The following NR4A1 variants were observed in gnomAD, a reference collection of about 807,000 sequenced individuals.
The protein encoded by NR4A1 is nuclear receptor subfamily 4 group A member 1, also known as nuclear receptor subfamily 4immunitygroup A member 1.
NR4A1 carries 24 observed loss-of-function variants against 47.5 expected under a neutral mutation model. The observed-to-expected ratio is 0.50, with a 90% confidence interval of 0.37 to 0.71. The LOEUF is 0.71. Among genes scored for constraint, NR4A1 ranks in the 30% least tolerant of loss-of-function variants. The pLI, the probability that NR4A1 is intolerant of heterozygous loss-of-function variation, is 0.00. For synonymous variants in NR4A1, 353 were observed against 345.7 expected (o/e 1.02, Z -0.24); for missense variants, 669 against 788.6 (o/e 0.85, Z 1.82).
chr12:52,041,869 T>C (rs759017460), exon 2 of NR4A1: 8 of 1,529,668 alleles, frequency 5.2e-6, no homozygotes, highest in African/African-American at 1.4e-5. Flanking sequence ...CTCCTTCTGC[T>C]GGGCCCTGAA....
chr12:52,057,215 G>A lies in NR4A1; in HGVS notation c.1317G>A (p.Leu439=). 6.2e-7 allele frequency: 1 copy of A among 1,613,992 alleles called. No homozygotes were observed. Residue 439 remains leucine (L), a synonymous_variant, in exon 5 of 7, where the codon CTG becomes CTA. Coordinates refer to ENST00000394825, the MANE Select transcript of NR4A1 (RefSeq NM_173157.3). ...CACCGGCTGACCAGGACCTGTTGCT[G>A]GAGTCGGCCTTCCTGGAGCTCTTCA... The part of the protein sequence containing the change: ...ELSPADQDLL[L]ESAFLELFIL...
At chr12:52,039,621 C>A (rs2120962681) in intron 1 of NR4A1, among the ~76,000 whole-genome samples, 1 of 152,348 alleles carries the variant, frequency 6.6e-6, no homozygotes, top group African/African-American at 2.4e-5. Flanking sequence ...TGTGCATCCA[C>A]CACCCTTCCA....
At position 52,058,762 on chromosome 12, in the gene NR4A1, G is replaced by A. The variant is rs760885398; in HGVS notation, c.1615G>A (p.Val539Met). Residue 539 changes from valine (V) to methionine (M), a missense_variant, in exon 7 of 7, where the codon GTG becomes ATG. Physicochemically the swap from Val to Met is conservative, Grantham distance 21. Coordinates refer to ENST00000394825, the MANE Select transcript of NR4A1 (RefSeq NM_173157.3). ...NRIASCLKEH[V>M]AAVAGEPQPA... is the part of the protein sequence containing the mutation. ...CATCGCCAGCTGCCTGAAGGAGCAC[G>A]TGGCAGCTGTGGCGGGCGAGCCCCA... 2.1e-5 allele frequency: 34 copies of A among 1,612,500 alleles called. No individual in the cohort carries two copies. The Admixed American group carries it at 2.2e-4, about 10-fold the overall frequency.
intron 2 of NR4A1, among the ~76,000 whole-genome samples, chr12:52,044,938 T>C (rs1412832493): frequency 3.3e-5 from 5 of 152,182 alleles, no homozygotes; most frequent in Non-Finnish European, 7.3e-5. Context: ...TCTGATCTTA[T>C]TCTTTTATGC....
chr12:52,028,581 C>CA (rs1309990549), intron 1 of NR4A1, among the ~76,000 whole-genome samples: 1 of 148,422 alleles, frequency 6.7e-6, no homozygotes, highest in South Asian at 2.1e-4. Flanking sequence ...TCAAACAAAA[C>CA]AAAAAAACAA....
Position 52,058,776 on chromosome 12 carries a change from G to C in NR4A1, c.1629G>C (p.Ala543=). Residue 543 remains alanine, a synonymous_variant, in exon 7 of 7, where the codon GCG becomes GCC. Coordinates refer to ENST00000394825, the MANE Select transcript of NR4A1 (RefSeq NM_173157.3). The stretch of plus-strand genomic sequence containing the variant: ...TGAAGGAGCACGTGGCAGCTGTGGC[G>C]GGCGAGCCCCAGCCAGCCAGCTGCC... ...SCLKEHVAAV[A]GEPQPASCLS... 1 of 1,610,908 alleles carries C rather than the reference G, an allele frequency of 6.2e-7. No homozygotes were observed. Among genetic ancestry groups the C allele is most frequent in the African/African-American group, 1.3e-5 (1 of 74,986 alleles).
chr12:52,022,896 C>T (rs1592277512), exon 1 of NR4A1: 1 of 152,376 alleles, frequency 6.6e-6, no homozygotes, highest in Non-Finnish European at 1.5e-5. Context: ...TGTTAGAGGG[C>T]AGGGATCCTA....
In NR4A1 at chr12:52,042,107, A is replaced by G. The variant is rs567251246; in HGVS notation, c.37+178A>G. On this transcript the variant is annotated intron_variant, in intron 2 of 7. Coordinates refer to the NR4A1 transcript ENST00000360284. The stretch of plus-strand genomic sequence containing the variant: ...ATCTGATTTCTTTAGAGGTTGGGGT[A>G]GTGTGAGTGTGGGGACTGGGGAAGC... Among the ~76,000 whole-genome samples, 126 of 152,004 alleles carry G rather than the reference A, an allele frequency of 8.3e-4. No homozygotes were observed. The Middle Eastern group carries it at 0.01, about 12-fold the overall frequency.
At chr12:52,057,802 G>A (rs1375908616) in intron 6 of NR4A1, among the ~76,000 whole-genome samples, 2 of 152,194 alleles carry the variant, frequency 1.3e-5, no homozygotes, top group Non-Finnish European at 1.5e-5. Flanking sequence ...TAGGGTATTG[G>A]CTTGTTTTTA....
intron 1 of NR4A1, among the ~76,000 whole-genome samples, chr12:52,024,531 C>CA (rs540563600): frequency 6.6e-6 from 1 of 152,032 alleles, no homozygotes; most frequent in Admixed American, 6.6e-5. Context: ...CTCGTCTCTA[C>CA]AAAAAATTTT....
At chr12:52,054,192 C>G in intron 1 of NR4A1, 135 bp from the exon 2 acceptor site, 1 of 730,600 alleles carries the variant, frequency 1.4e-6, no homozygotes, top group Non-Finnish European at 2.2e-6. Context: ...GTGCTCTGGT[C>G]CCGGTGCCTC....
At position 52,059,281 on chromosome 12, in the gene NR4A1, TGGGA is replaced by T. The variant is rs985751462; in HGVS notation, c.*340_*343del. The T allele has an allele frequency of 1.7e-5, 4 of 232,518 alleles. No individual in the cohort carries two copies. Among genetic ancestry groups the T allele is most frequent in the African/African-American group, 9.0e-5 (4 of 44,276 alleles). The allele number at this position is 232,518 out of a possible 1,614,324, so 14.4% of individuals were successfully genotyped here. On this transcript the variant is annotated 3_prime_UTR_variant, in exon 7 of 7. Transcript: ENST00000394825. ...AAAGAGCTTGAGGTGGGAGCGGGGC[TGGGA>T]GGAAGGGATGGGCCCCGCCTTCCTG...
Position 52,053,261 on chromosome 12 carries a change from C to T in NR4A1, c.-2-1066C>T, listed in dbSNP as rs959348323. 5.9e-5 allele frequency among the ~76,000 whole-genome samples: 9 copies of T among 152,240 alleles called. No homozygotes were observed. In the East Asian group the frequency reaches 9.7e-4, roughly 16 times the overall value. The stretch of plus-strand genomic sequence containing the variant: ...ATGCTATCTCTGTTCAGGCTCTCTT[C>T]AGGCTCCTCGGGACTGGGGCTGTGT... On this transcript the variant is annotated intron_variant, in intron 1 of 6. Transcript: ENST00000394825.
upstream of NR4A1, chr12:52,051,291 C>A (rs1006914330): frequency 6.3e-6 from 3 of 475,108 alleles, no homozygotes; most frequent in Non-Finnish European, 8.3e-6. Context: ...CTCCCCGGGC[C>A]GCACCTCCCC....
intron 2 of NR4A1, chr12:52,042,075 G>A: frequency 1.1e-6 from 1 of 952,122 alleles, no homozygotes. Context: ...GCTGTTCAGT[G>A]TGCGGGATCT....
Position 52,054,666 on chromosome 12 carries a change from C to T in NR4A1, c.338C>T (p.Pro113Leu), listed in dbSNP as rs1284051970. The T allele has an allele frequency of 4.3e-6, 7 of 1,614,016 alleles. No individual in the cohort carries two copies. Among genetic ancestry groups the T allele is most frequent in the African/African-American group, 1.3e-5 (1 of 74,940 alleles). ...FEDFQVYGCYPGPLSGPVDEA... is the reference protein window; with the variant it reads ...FEDFQVYGCYLGPLSGPVDEA... ...GACTTCCAGGTGTACGGCTGCTACC[C>T]CGGCCCCCTGAGCGGCCCAGTGGAT... is the stretch of plus-strand genomic sequence containing the variant. The change falls in exon 2 of 7, where the codon CCC becomes CTC. Residue 113 changes from proline (P) to leucine (L), a missense_variant. Pro to Leu is a moderately conservative substitution (Grantham distance 98). Coordinates refer to ENST00000394825, the MANE Select transcript of NR4A1 (RefSeq NM_173157.3).
intron 2 of NR4A1, among the ~76,000 whole-genome samples, chr12:52,045,316 G>A (rs571627354): frequency 6.6e-6 from 1 of 152,368 alleles, no homozygotes; most frequent in South Asian, 2.1e-4. Context: ...GGCTGCTGTG[G>A]TTGTCCCGTT....
intron 2 of NR4A1, chr12:52,043,705 C>T: frequency 7.9e-7 from 1 of 1,258,134 alleles, no homozygotes; most frequent in South Asian, 1.3e-5. Flanking sequence ...GGAGGACACG[C>T]CGGCTTGGAG....
chr12:52,056,444 G>A, intron 3 of NR4A1, 50 bp from the exon 4 acceptor site: 1 of 1,593,414 alleles, frequency 6.3e-7, no homozygotes, highest in Non-Finnish European at 8.5e-7. Context: ...TGGGCTGAGA[G>A]GCCCTTCCTC....
Sources: gnomAD v4.1 joint callset for allele counts (sites outside exome capture counted in the v4.1 genomes callset) on GRCh38, gnomAD v4.1.1 for gene constraint, MANE v1.5 for transcripts, NCBI Gene and HGNC (gene_info 2026-07-23, HGNC 2026-07-21) for gene names.